Variants in ROBO2 observed in about 807,000 individuals in gnomAD.
ROBO2 encodes the protein roundabout homolog 2.
In ROBO2, 53 loss-of-function variants were observed where a neutral mutation model predicts 160.8. The observed-to-expected ratio is 0.33, with a 90% confidence interval of 0.26 to 0.41. The LOEUF (loss-of-function observed/expected upper bound fraction) is 0.41. ROBO2 is among the 10% of genes least tolerant of loss of function. The probability of loss-of-function intolerance (pLI) is 1.00; values close to 1 mark genes in which losing one functional copy is unlikely to be tolerated. For missense variants in ROBO2, 1,577 were observed against 1,722.4 expected, an observed-to-expected ratio of 0.92 and a Z score of 1.49; for synonymous variants, 664 against 611.7, an observed-to-expected ratio of 1.09 and a Z score of -1.26.
At position 76,651,113 on chromosome 3, in the gene ROBO2, A is replaced by G. The variant is rs544294584; in HGVS notation, c.110-446901A>G. On this transcript the variant is annotated intron_variant, in intron 2 of 26. Coordinates refer to the ROBO2 transcript ENST00000487694. The stretch of plus-strand genomic sequence containing the variant: ...GGGGTTGAAGTTTCCCATAATTGCC[A>G]GTTGAAAAGCATGATGATTTTCAGG... 1.0e-3 allele frequency among the ~76,000 whole-genome samples: 154 copies of G among 152,310 alleles called. 1 individual carries two copies. The highest frequency in any genetic ancestry group is 3.4e-3 in the African/African-American group (142 of 41,576).
At chr3:76,269,277 C>G (rs138736819) in intron 2 of ROBO2, among the ~76,000 whole-genome samples, 59 of 152,048 alleles carry the variant, frequency 3.9e-4, no homozygotes, top group African/African-American at 1.4e-3. Flanking sequence ...TCTCATGTAC[C>G]TCACAAATAT....
At chr3:76,118,040 T>C (rs1033664838) in intron 2 of ROBO2, among the ~76,000 whole-genome samples, 1 of 152,000 alleles carries the variant, frequency 6.6e-6, no homozygotes, top group Non-Finnish European at 1.5e-5. Flanking sequence ...ATATACCTAA[T>C]GGAAATGACG....
intron 1 of ROBO2, among the ~76,000 whole-genome samples, chr3:77,068,178 T>G (rs2067057040): frequency 6.6e-6 from 1 of 152,186 alleles, no homozygotes; most frequent in Admixed American, 6.6e-5. Context: ...TTTTGAGTGC[T>G]ACTTTTCTCT....
At chr3:76,666,889 C>G (rs1373354352) in intron 2 of ROBO2, among the ~76,000 whole-genome samples, 2 of 152,050 alleles carry the variant, frequency 1.3e-5, no homozygotes, top group Non-Finnish European at 2.9e-5. Flanking sequence ...TCAGCAGTGA[C>G]AGCATTTCAT....
At chr3:77,445,427 C>G (rs891507353) in intron 2 of ROBO2, among the ~76,000 whole-genome samples, 1 of 151,998 alleles carries the variant, frequency 6.6e-6, no homozygotes, top group Admixed American at 6.6e-5. Context: ...AAATACTTCC[C>G]TACTTCCCTC....
intron 2 of ROBO2, among the ~76,000 whole-genome samples, chr3:77,217,964 A>C (rs575631943): frequency 6.6e-6 from 1 of 152,232 alleles, no homozygotes; most frequent in Non-Finnish European, 1.5e-5. Context: ...AATTATTTAT[A>C]TGTTTCCCAG....
rs142164323 is a variant in ROBO2 at position 77,348,881 on chromosome 3, T to C, written c.389-128533T>C. On this transcript the variant is annotated intron_variant, in intron 2 of 25. Coordinates refer to ENST00000461745, the Ensembl canonical transcript of ROBO2. ...TCTTACAGATGCATCACCTGTTGGC[T>C]CTGCTTCATTATCTTTTCCAACAGA... is the stretch of plus-strand genomic sequence containing the variant. 3.3e-5 allele frequency among the ~76,000 whole-genome samples: 5 copies of C among 152,252 alleles called. No homozygotes were observed. In the East Asian group the frequency reaches 9.7e-4, roughly 29 times the overall value.
chr3:76,920,984 T>C (rs1300580337), intron 2 of ROBO2, among the ~76,000 whole-genome samples: 6 of 152,192 alleles, frequency 3.9e-5, no homozygotes, highest in Non-Finnish European at 1.5e-5. Context: ...ATAAAATCTA[T>C]ATGTTCAGAG....
chr3:77,410,377 C>T (rs79517351), intron 2 of ROBO2, among the ~76,000 whole-genome samples: 6,072 of 152,128 alleles, frequency 0.04, 410 homozygotes, highest in African/African-American at 0.14. Context: ...TAATTTTCTT[C>T]GCCTGTATTG....
intron 2 of ROBO2, among the ~76,000 whole-genome samples, chr3:77,380,762 T>C (rs1401018993): frequency 6.7e-6 from 1 of 148,510 alleles, no homozygotes; most frequent in Non-Finnish European, 1.5e-5. Flanking sequence ...GTTACAGAGA[T>C]TATCTCAATG....
chr3:76,135,551 T>G (rs2071398441), intron 2 of ROBO2, among the ~76,000 whole-genome samples: 1 of 152,160 alleles, frequency 6.6e-6, no homozygotes, highest in African/African-American at 2.4e-5. Context: ...AAGGGAAAGA[T>G]GTTATGGGCT....
At chr3:77,042,146 C>G (rs1180204206) in intron 1 of ROBO2, among the ~76,000 whole-genome samples, 2 of 152,192 alleles carry the variant, frequency 1.3e-5, no homozygotes, top group African/African-American at 4.8e-5. Flanking sequence ...ACCTTTGCCC[C>G]CCAGCGATAG....
chr3:76,443,200 A>G (rs1340163744), intron 2 of ROBO2, among the ~76,000 whole-genome samples: 1 of 151,992 alleles, frequency 6.6e-6, no homozygotes, highest in African/African-American at 2.4e-5. Flanking sequence ...CTCACTCATT[A>G]CCTGCAAGAC....
intron 2 of ROBO2, among the ~76,000 whole-genome samples, chr3:77,167,122 A>G (rs1417240262): frequency 6.6e-6 from 1 of 152,176 alleles, no homozygotes; most frequent in Non-Finnish European, 1.5e-5. Context: ...TAGCCCCTTT[A>G]GACCTAAATA....
chr3:77,536,401 C>A (rs2092105519), intron 6 of ROBO2, among the ~76,000 whole-genome samples: 1 of 151,826 alleles, frequency 6.6e-6, no homozygotes, highest in African/African-American at 2.4e-5. Context: ...TCTCTCTCTT[C>A]TTTTCTCTCT....
In ROBO2 at chr3:77,512,097, C is replaced by G. The variant is rs909272270; in HGVS notation, c.807-10678C>G. Among the ~76,000 whole-genome samples, 5 of 149,632 alleles carry G rather than the reference C, an allele frequency of 3.3e-5. No homozygotes were observed. The East Asian group carries it at 9.7e-4, about 29-fold the overall frequency. On this transcript the variant is annotated intron_variant, in intron 5 of 25. Transcript: ENST00000461745. ...TGTCTAAAGATTAAAAACATAGACTCAGTCTGTACCAACAAAATAATGGCT... is the reference window on the plus strand; with the variant it reads ...TGTCTAAAGATTAAAAACATAGACTGAGTCTGTACCAACAAAATAATGGCT...
chr3:77,261,898 A>T (rs2058801357), intron 2 of ROBO2, among the ~76,000 whole-genome samples: 1 of 151,440 alleles, frequency 6.6e-6, no homozygotes, highest in African/African-American at 2.4e-5. Flanking sequence ...CTCCCAAAAC[A>T]TTGGGATTAC....
chr3:76,568,948 G>A (rs1170621192), intron 2 of ROBO2, among the ~76,000 whole-genome samples: 1 of 152,156 alleles, frequency 6.6e-6, no homozygotes, highest in Non-Finnish European at 1.5e-5. Flanking sequence ...TAAACAAGTA[G>A]TCCCTATGAG....
chr3:76,010,068 C>G (rs963038184), intron 2 of ROBO2, among the ~76,000 whole-genome samples: 4 of 152,144 alleles, frequency 2.6e-5, no homozygotes, highest in African/African-American at 4.8e-5. Flanking sequence ...TTAAGTTGGA[C>G]ATCTGTAGAT....
Sources: allele counts gnomAD v4.1 joint callset (sites outside exome capture counted in the v4.1 genomes callset), GRCh38; gene constraint gnomAD v4.1.1; transcripts MANE v1.5; gene names NCBI Gene and HGNC (gene_info 2026-07-23, HGNC 2026-07-21).